ESR1: variants seen among roughly 807,000 people sequenced by gnomAD.
ESR1 encodes the protein estrogen receptor.
Under a neutral mutation model 52.7 loss-of-function variants are expected in ESR1, and 12 were observed. That is an observed-to-expected ratio of 0.23 (90% CI 0.15 to 0.37). ESR1 has a LOEUF of 0.37. Ranked by LOEUF, ESR1 falls within the 10% of genes least tolerant of loss-of-function variation. The pLI, the probability that ESR1 is intolerant of heterozygous loss-of-function variation, is 1.00. For synonymous variants in ESR1, 305 were observed against 316.8 expected, an observed-to-expected ratio of 0.96 and a Z score of 0.39; for missense variants, 584 against 779.7, an observed-to-expected ratio of 0.75 and a Z score of 2.99.
At chr6:152,078,390 C>T (rs576348475) in intron 6 of ESR1, among the ~76,000 whole-genome samples, 1 of 152,288 alleles carries the variant, frequency 6.6e-6, no homozygotes, top group Admixed American at 6.5e-5. Flanking sequence ...CCAGGGTTCA[C>T]CCCTTGAATT....
At chr6:151,781,032 A>T (rs1245546763) in intron 2 of ESR1, among the ~76,000 whole-genome samples, 1 of 152,242 alleles carries the variant, frequency 6.6e-6, no homozygotes, top group Non-Finnish European at 1.5e-5. Flanking sequence ...TTGCTTTCAA[A>T]CTATACATTT....
exon 7 of ESR1, chr6:152,128,610 AAT>A (rs2054332876): frequency 6.6e-6 from 1 of 152,248 alleles, no homozygotes; most frequent in Non-Finnish European, 1.5e-5. Context: ...CCTTCAAACT[AAT>A]AGTCAGTTTC....
rs569297393 is a variant in ESR1 at position 151,924,339 on chromosome 6, C to A, written c.761-19834C>A. On this transcript the variant is annotated intron_variant, in intron 3 of 7. Coordinates refer to ENST00000206249, the MANE Select transcript of ESR1 (RefSeq NM_000125.4). ...TACAGACATAAGCCACGGCGTCCGG[C>A]CTGCAATTTCTTAATGACAAAAAAT... Among the ~76,000 whole-genome samples the A allele has an allele frequency of 1.1e-4, 16 of 152,292 alleles. No homozygotes were observed. The Middle Eastern group carries it at 0.01, about 97-fold the overall frequency.
intron 2 of ESR1, among the ~76,000 whole-genome samples, chr6:151,767,771 G>A (rs1422503052): frequency 2.0e-5 from 3 of 152,190 alleles, no homozygotes; most frequent in Non-Finnish European, 4.4e-5. Context: ...CTAAGGTCTA[G>A]TGGCTCCACA....
intron 3 of ESR1, among the ~76,000 whole-genome samples, chr6:151,925,283 G>T (rs994458479): frequency 6.6e-5 from 10 of 152,060 alleles, no homozygotes; most frequent in Non-Finnish European, 7.4e-5. Flanking sequence ...TTTCAATGAG[G>T]TGTACATCAG....
chr6:152,093,857 C>T (rs2982900), intron 6 of ESR1, among the ~76,000 whole-genome samples: 8,005 of 152,244 alleles, frequency 0.053, 249 homozygotes, highest in East Asian at 0.099. Context: ...AATCTCACCA[C>T]GAGTTTCACA....
chr6:151,944,527 G>A lies in ESR1; in HGVS notation c.1096+19G>A, dbSNP rs749289935. On this transcript the variant is annotated intron_variant, in intron 4 of 7. Coordinates refer to ENST00000206249, the MANE Select transcript of ESR1 (RefSeq NM_000125.4). ...GTGCCAGGTAAGAATGCGAAGCGCA[G>A]CTTTTAAGAGTCAATAGCTTTTCAA... 10 of 1,606,920 alleles carry A rather than the reference G, an allele frequency of 6.2e-6. No individual in the cohort carries two copies. In the South Asian group the frequency reaches 9.9e-5, roughly 16 times the overall value.
Position 152,099,898 on chromosome 6 carries a change from G to A in ESR1, c.*932G>A, listed in dbSNP as rs2050902586. On this transcript the variant is annotated 3_prime_UTR_variant, in exon 8 of 8. Coordinates refer to ENST00000206249, the MANE Select transcript of ESR1 (RefSeq NM_000125.4). Reference sequence around the variant, plus strand: ...TGTGTGCCTTACACAGGGGTGAACTGTTCACTGTGGTGATGCATGATGAGG... The same window carrying A: ...TGTGTGCCTTACACAGGGGTGAACTATTCACTGTGGTGATGCATGATGAGG... 1 of 398,028 alleles carries A rather than the reference G, an allele frequency of 2.5e-6. No individual in the cohort carries two copies. Among genetic ancestry groups the A allele is most frequent in the Non-Finnish European group, 4.4e-6 (1 of 226,014 alleles). 24.7% of individuals were successfully genotyped at this position (398,028 alleles called of 1,614,324 possible). A position where few individuals can be genotyped will look rare whatever the true frequency, so the allele number is the denominator to read the frequency against.
chr6:152,077,137 A>T (rs2048803247), intron 6 of ESR1, among the ~76,000 whole-genome samples: 1 of 152,154 alleles, frequency 6.6e-6, no homozygotes, highest in South Asian at 2.1e-4. Flanking sequence ...CAGGGTCCCC[A>T]TGCTGTGTGC....
chr6:151,985,230 G>T (rs1438178616), intron 4 of ESR1, among the ~76,000 whole-genome samples: 1 of 152,026 alleles, frequency 6.6e-6, no homozygotes, highest in Non-Finnish European at 1.5e-5. Context: ...ATCTGGCTGG[G>T]CGTGGTGGCT....
chr6:151,800,013 G>C (rs532697983), upstream of ESR1, among the ~76,000 whole-genome samples: 36 of 152,288 alleles, frequency 2.4e-4, 1 homozygote, highest in Admixed American at 1.1e-3. Context: ...TGGACAAGTT[G>C]AGCTTCAAGT....
At chr6:151,680,239 T>C (rs545693810) in intron 1 of ESR1, among the ~76,000 whole-genome samples, 1 of 148,968 alleles carries the variant, frequency 6.7e-6, no homozygotes, top group East Asian at 2.0e-4. Flanking sequence ...AGTCTCGCTC[T>C]GTCACCCAGG....
At chr6:151,685,682 C>T (rs997137845), upstream of ESR1, among the ~76,000 whole-genome samples, 4 of 152,142 alleles carry the variant, frequency 2.6e-5, no homozygotes, top group Non-Finnish European at 4.4e-5. Context: ...TCAGCAGTAT[C>T]AATAATGTTT....
At chr6:151,805,598 C>T (rs1448996088), upstream of ESR1, 1 of 152,468 alleles carries the variant, frequency 6.6e-6, no homozygotes, top group Non-Finnish European at 1.5e-5. Context: ...AGTAGCCCAG[C>T]TGCGTGTCTG....
Position 152,100,839 on chromosome 6 carries a change from A to G in ESR1, c.*1873A>G, listed in dbSNP as rs891251707. ...ACAATTTTATGTATCTGTGTTAAGGATATGTTTAAGAACATAATTCTTTTG... is the reference window on the plus strand; with the variant it reads ...ACAATTTTATGTATCTGTGTTAAGGGTATGTTTAAGAACATAATTCTTTTG... On this transcript the variant is annotated 3_prime_UTR_variant, in exon 8 of 8. Coordinates refer to ENST00000206249, the MANE Select transcript of ESR1 (RefSeq NM_000125.4). The G allele has an allele frequency of 8.7e-6, 2 of 230,202 alleles. No individual in the cohort carries two copies. The highest frequency in any genetic ancestry group is 1.1e-4 in the Admixed American group (2 of 17,604). The allele number at this position is 230,202 out of a possible 1,614,324, so 14.3% of individuals were successfully genotyped here.
At chr6:151,751,479 A>G (rs1240338629) in intron 2 of ESR1, among the ~76,000 whole-genome samples, 1 of 152,184 alleles carries the variant, frequency 6.6e-6, no homozygotes, top group African/African-American at 2.4e-5. Flanking sequence ...TTGGAAAATG[A>G]ATGACAGCAA....
At chr6:151,848,372 A>C (rs1179331897) in intron 2 of ESR1, among the ~76,000 whole-genome samples, 2 of 122,418 alleles carry the variant, frequency 1.6e-5, no homozygotes, top group African/African-American at 6.3e-5. Context: ...AGATATACCT[A>C]ATGCTAGATG....
At chr6:151,793,680 C>T (rs192867097) in intron 2 of ESR1, among the ~76,000 whole-genome samples, 1 of 152,296 alleles carries the variant, frequency 6.6e-6, no homozygotes, top group Admixed American at 6.5e-5. Context: ...TATAACCTTA[C>T]AAGACCACTG....
chr6:152,052,209 A>T (rs1233457781), intron 5 of ESR1, among the ~76,000 whole-genome samples: 1 of 152,072 alleles, frequency 6.6e-6, no homozygotes, highest in Non-Finnish European at 1.5e-5. Flanking sequence ...AAGAGCAAGA[A>T]CTCACTCATT....
Sources: allele counts gnomAD v4.1 joint callset (sites outside exome capture counted in the v4.1 genomes callset), GRCh38; gene constraint gnomAD v4.1.1; transcripts MANE v1.5; gene names NCBI Gene and HGNC (gene_info 2026-07-23, HGNC 2026-07-21).